UTRN: variants seen among roughly 807,000 people sequenced by gnomAD.
UTRN encodes the protein dystrophin-related protein 1.
In UTRN, 283 loss-of-function variants were observed where a neutral mutation model predicts 463.9. The ratio of observed to expected loss-of-function variants is 0.61; its 90% CI spans 0.55 to 0.67. UTRN has a LOEUF of 0.67. UTRN is among the 30% of genes least tolerant of loss of function. The pLI is 0.00. For missense variants in UTRN, 3,922 were observed against 4,084.3 expected (o/e 0.96, Z 1.08); for synonymous variants, 1,442 against 1,431.5 (o/e 1.01, Z -0.17).
In UTRN at chr6:144,667,927, TC is replaced by T. The variant is rs568327285; in HGVS notation, c.7480-10478del. Among the ~76,000 whole-genome samples, 96 of 152,290 alleles carry T rather than the reference TC, an allele frequency of 6.3e-4. 1 individual carries two copies. The highest frequency in any genetic ancestry group is 3.0e-3 in the Admixed American group (46 of 15,284). Reference sequence around the variant, plus strand: ...GAACTGCCAGTGAAATGCAAAAGATTCAACAATCTCAGAGTTTTTATTCAGC... The same window carrying T: ...GAACTGCCAGTGAAATGCAAAAGATTAACAATCTCAGAGTTTTTATTCAGC... On this transcript the variant is annotated intron_variant, in intron 51 of 74. Coordinates refer to ENST00000367545, the MANE Select transcript of UTRN (RefSeq NM_007124.3).
chr6:144,487,742 G>A, intron 29 of UTRN, 45 bp downstream of exon 29: 1 of 1,542,424 alleles, frequency 6.5e-7, no homozygotes, highest in Admixed American at 1.9e-5. Context: ...TATTGATGAA[G>A]TGGAGCTGGC....
At chr6:144,573,165 C>T (rs4460225) in intron 50 of UTRN, among the ~76,000 whole-genome samples, 48,043 of 151,938 alleles carry the variant, frequency 0.32, 10,010 homozygotes, top group African/African-American at 0.59. Context: ...AAATGTCTTC[C>T]TTTGAGAAAT....
chr6:144,549,513 G>A (rs187825295), intron 47 of UTRN, among the ~76,000 whole-genome samples: 257 of 152,328 alleles, frequency 1.7e-3, no homozygotes, highest in African/African-American at 5.8e-3. Context: ...GATAGGTACT[G>A]TTTTTATCCC....
chr6:144,478,049 C>T (rs1400042024), intron 25 of UTRN, among the ~76,000 whole-genome samples: 4 of 152,096 alleles, frequency 2.6e-5, no homozygotes, highest in African/African-American at 9.7e-5. Context: ...TAGAGCATTT[C>T]CAGACTATTG....
chr6:144,564,543 AG>A (rs1354503815), intron 50 of UTRN, among the ~76,000 whole-genome samples: 3 of 152,178 alleles, frequency 2.0e-5, no homozygotes. Context: ...TAATTTATAA[AG>A]GAAAGAGTTT....
chr6:144,765,661 T>A (rs562061298), intron 58 of UTRN, among the ~76,000 whole-genome samples: 2 of 152,296 alleles, frequency 1.3e-5, no homozygotes, highest in Admixed American at 1.3e-4. Context: ...TCCTCCTGCT[T>A]TGGCCTCCCC....
In UTRN at chr6:144,710,231, G is replaced by A. The variant is rs143434589; in HGVS notation, c.7809+9988G>A. Reference sequence around the variant, plus strand: ...TATGTTCAAACACCTAGCGGTTATAGATCAAATATAAAAAACAGAAAACCA... The same window carrying A: ...TATGTTCAAACACCTAGCGGTTATAAATCAAATATAAAAAACAGAAAACCA... On this transcript the variant is annotated intron_variant, in intron 53 of 74. Coordinates refer to ENST00000367545, the MANE Select transcript of UTRN (RefSeq NM_007124.3). Among the ~76,000 whole-genome samples the A allele has an allele frequency of 4.4e-3, 671 of 152,266 alleles. 6 individuals carry two copies. The highest frequency in any genetic ancestry group is 0.015 in the African/African-American group (639 of 41,558).
chr6:144,687,299 G>T (rs1304994464), intron 52 of UTRN, among the ~76,000 whole-genome samples: 1 of 151,872 alleles, frequency 6.6e-6, no homozygotes, highest in Admixed American at 6.6e-5. Context: ...ATGAGTTAGG[G>T]AAGACTTTCT....
chr6:144,367,128 C>A (rs1026655535), intron 2 of UTRN, among the ~76,000 whole-genome samples: 1 of 152,072 alleles, frequency 6.6e-6, no homozygotes, highest in Non-Finnish European at 1.5e-5. Context: ...GGACTACAGG[C>A]GCGTGCCATC....
At chr6:144,434,344 G>C (rs1458926286) in intron 9 of UTRN, among the ~76,000 whole-genome samples, 3 of 151,642 alleles carry the variant, frequency 2.0e-5, no homozygotes, top group Non-Finnish European at 2.9e-5. Context: ...AAAGAGGGGA[G>C]GGGGAGGGGG....
At chr6:144,380,501 A>T (rs1187218472) in intron 2 of UTRN, among the ~76,000 whole-genome samples, 2 of 152,182 alleles carry the variant, frequency 1.3e-5, no homozygotes, top group African/African-American at 4.8e-5. Flanking sequence ...AAATAATGAA[A>T]ATAATGATAG....
In UTRN at chr6:144,793,819, T is replaced by C. The variant is rs750198598; in HGVS notation, c.8921-15T>C. 6.2e-7 allele frequency: 1 copy of C among 1,611,978 alleles called. No individual in the cohort carries two copies. Among genetic ancestry groups the C allele is most frequent in the South Asian group, 1.1e-5 (1 of 90,704 alleles). On this transcript the variant is annotated splice_polypyrimidine_tract_variant and intron_variant, in intron 62 of 74. Coordinates refer to ENST00000367545, the MANE Select transcript of UTRN (RefSeq NM_007124.3). ...GGTAGACAGATGAAAGTTAACCTCT[T>C]GCCTCTCTTTGCAGATCTCTTTAAG...
At chr6:144,417,184 G>C (rs929291662) in intron 3 of UTRN, among the ~76,000 whole-genome samples, 6 of 151,958 alleles carry the variant, frequency 3.9e-5, no homozygotes, top group Non-Finnish European at 7.4e-5. Flanking sequence ...GCTCTCTTTG[G>C]GGGGCCACTA....
At position 144,782,085 on chromosome 6, in the gene UTRN, T is replaced by G. The variant is rs1775882518; in HGVS notation, c.8796T>G (p.Val2932=). 1.2e-6 allele frequency: 2 copies of G among 1,613,236 alleles called. No homozygotes were observed. Among genetic ancestry groups the G allele is most frequent in the East Asian group, 4.5e-5 (2 of 44,818 alleles). Residue 2932 remains valine, a synonymous_variant, in exon 61 of 75, where the codon GTT becomes GTG. Coordinates refer to ENST00000367545, the MANE Select transcript of UTRN (RefSeq NM_007124.3). ...ACCTGGTCAACGTTCCACTCTGTGTTGATATGTGTCTCAATTGGTTGCTCA... is the reference window on the plus strand; with the variant it reads ...ACCTGGTCAACGTTCCACTCTGTGTGGATATGTGTCTCAATTGGTTGCTCA... The part of the protein sequence containing the change: ...HKDLVNVPLC[V]DMCLNWLLNV...
intron 48 of UTRN, among the ~76,000 whole-genome samples, chr6:144,553,255 C>T (rs769792082): frequency 6.6e-6 from 1 of 152,172 alleles, no homozygotes; most frequent in Non-Finnish European, 1.5e-5. Flanking sequence ...CCAGGCTGGT[C>T]TTGAACTTCT....
At chr6:144,527,256 C>G (rs1796648800) in intron 41 of UTRN, among the ~76,000 whole-genome samples, 1 of 152,188 alleles carries the variant, frequency 6.6e-6, no homozygotes, top group African/African-American at 2.4e-5. Context: ...ATTTATGAAG[C>G]TTAGTTTCAC....
chr6:144,717,132 T>C (rs947840666), intron 53 of UTRN, among the ~76,000 whole-genome samples: 7 of 152,248 alleles, frequency 4.6e-5, no homozygotes, highest in African/African-American at 1.7e-4. Flanking sequence ...AGTGAAGCTT[T>C]ACCATACCCT....
intron 23 of UTRN, among the ~76,000 whole-genome samples, chr6:144,470,728 C>T (rs1790507135): frequency 6.6e-6 from 1 of 151,996 alleles, no homozygotes; most frequent in African/African-American, 2.4e-5. Flanking sequence ...GCACTCCAGC[C>T]TGGGCAACAT....
chr6:144,558,033 G>A (rs538931087), intron 50 of UTRN, among the ~76,000 whole-genome samples: 3 of 152,170 alleles, frequency 2.0e-5, no homozygotes, highest in Admixed American at 6.5e-5. Flanking sequence ...GTGAAATTAC[G>A]CACATCTTTA....
Sources: gnomAD v4.1 joint callset for allele counts (sites outside exome capture counted in the v4.1 genomes callset) on GRCh38, gnomAD v4.1.1 for gene constraint, MANE v1.5 for transcripts, NCBI Gene and HGNC (gene_info 2026-07-23, HGNC 2026-07-21) for gene names.